The following NLRP5 variants were observed in gnomAD, a reference collection of about 807,000 sequenced individuals.
NLRP5 encodes the protein NLR family pyrin domain containing 5.
In NLRP5, 93 loss-of-function variants were observed where a neutral mutation model predicts 113.1. The ratio of observed to expected loss-of-function variants is 0.82; its 90% CI spans 0.70 to 0.98. NLRP5 has a LOEUF of 0.98. Among genes scored for constraint, NLRP5 ranks in the 50% least tolerant of loss-of-function variants. NLRP5 has a pLI of 0.00. For synonymous variants in NLRP5, 751 were observed against 600.7 expected, an observed-to-expected ratio of 1.25 and a Z score of -3.66; for missense variants, 1,808 against 1,514.3, an observed-to-expected ratio of 1.19 and a Z score of -3.22.
intron 11 of NLRP5, among the ~76,000 whole-genome samples, chr19:56,042,175 A>T (rs1488293358): frequency 6.6e-6 from 1 of 152,234 alleles, no homozygotes; most frequent in African/African-American, 2.4e-5. Context: ...AATTACCAAC[A>T]CATTATAGCA....
chr19:56,046,399 C>CATGTGTGTGTGTGTGT (rs1555770181), intron 11 of NLRP5, among the ~76,000 whole-genome samples: 3 of 148,070 alleles, frequency 2.0e-5, no homozygotes, highest in South Asian at 2.1e-4. Flanking sequence ...TTTGTAGTTT[C>CATGTGTGTGTGTGTGT]GTGTGTGTGT....
At chr19:56,048,370 T>A (rs1006154235) in intron 11 of NLRP5, among the ~76,000 whole-genome samples, 1 of 152,210 alleles carries the variant, frequency 6.6e-6, no homozygotes, top group African/African-American at 2.4e-5. Context: ...TTGATGTGTT[T>A]CCAGGATTTG....
upstream of NLRP5, among the ~76,000 whole-genome samples, chr19:55,998,447 T>G (rs1205331511): frequency 6.6e-6 from 1 of 151,262 alleles, no homozygotes; most frequent in Non-Finnish European, 1.5e-5. Flanking sequence ...AGGTCAGGAG[T>G]TCGAGACCAG....
At chr19:56,052,559 T>C (rs1256493416) in intron 12 of NLRP5, among the ~76,000 whole-genome samples, 3 of 152,170 alleles carry the variant, frequency 2.0e-5, no homozygotes, top group African/African-American at 7.2e-5. Context: ...CGTGAGCCAC[T>C]GTACCCAGCC....
chr19:56,016,249 G>T (rs1251369072), intron 4 of NLRP5, among the ~76,000 whole-genome samples: 1 of 152,124 alleles, frequency 6.6e-6, no homozygotes, highest in African/African-American at 2.4e-5. Context: ...CGCCTCCCGG[G>T]TTCAAGCGAT....
At chr19:56,049,666 C>A (rs892274515) in intron 11 of NLRP5, among the ~76,000 whole-genome samples, 1 of 152,080 alleles carries the variant, frequency 6.6e-6, no homozygotes, top group Non-Finnish European at 1.5e-5. Flanking sequence ...CAGACCATTT[C>A]ACATTTCTAA....
chr19:56,027,694 G>T lies in NLRP5; in HGVS notation c.1461G>T (p.Val487=), dbSNP rs761459635. ...TGGCCCTGCAGCTGCAGGACGTGGT[G>T]GGGGAGAGCGTCGCCCCCTTCAACC... Residue 487 remains valine, a synonymous_variant, in exon 7 of 15, where the codon GTG becomes GTT. Coordinates refer to ENST00000390649, the MANE Select transcript of NLRP5 (RefSeq NM_153447.4). 1.9e-6 allele frequency: 3 copies of T among 1,613,386 alleles called. No individual in the cohort carries two copies. The highest frequency in any genetic ancestry group is 1.7e-5 in the Admixed American group (1 of 60,012).
chr19:55,993,790 A>T, the NLRP5 span, among the ~76,000 whole-genome samples: 2 of 150,638 alleles, frequency 1.3e-5, no homozygotes, highest in African/African-American at 4.9e-5. Flanking sequence ...TCACATGAAG[A>T]GCTACAGGCT....
At position 56,050,466 on chromosome 19, in the gene NLRP5, T is replaced by C; in HGVS notation, c.3006T>C (p.Leu1002=). Residue 1002 remains leucine (L), a synonymous_variant, in exon 12 of 15, where the codon CTT becomes CTC. Coordinates refer to ENST00000390649, the MANE Select transcript of NLRP5 (RefSeq NM_153447.4). ...CGGCTGGCTGTGGTTTTCTTGCACT[T>C]GCGCTTATGGGTAACTCATGGCTGA... 6.2e-7 allele frequency: 1 copy of C among 1,613,862 alleles called. No individual in the cohort carries two copies. Among genetic ancestry groups the C allele is most frequent in the Non-Finnish European group, 8.5e-7 (1 of 1,179,848 alleles).
chr19:56,048,656 C>G (rs895093789), intron 11 of NLRP5, among the ~76,000 whole-genome samples: 1 of 152,038 alleles, frequency 6.6e-6, no homozygotes, highest in African/African-American at 2.4e-5. Flanking sequence ...AGATTCTTTC[C>G]TTCATCTTAA....
chr19:55,991,067 C>G, the NLRP5 span, among the ~76,000 whole-genome samples: 1 of 152,072 alleles, frequency 6.6e-6, no homozygotes, highest in African/African-American at 2.4e-5. Flanking sequence ...TTTGTCATGT[C>G]TCAAATTTAT....
At chr19:55,986,857 C>T in the NLRP5 span, among the ~76,000 whole-genome samples, 6 of 152,262 alleles carry the variant, frequency 3.9e-5, no homozygotes, top group South Asian at 8.3e-4. Context: ...CTGCCCTTCC[C>T]GCTTTTGTTC....
At chr19:56,011,039 C>CT (rs1191168135) in intron 3 of NLRP5, among the ~76,000 whole-genome samples, 1 of 151,824 alleles carries the variant, frequency 6.6e-6, no homozygotes, top group African/African-American at 2.4e-5. Context: ...ATAGTCCCAG[C>CT]TACTTGGGAA....
chr19:56,008,712 G>T, intron 2 of NLRP5, 76 bp from the exon 3 acceptor site: 1 of 1,299,272 alleles, frequency 7.7e-7, no homozygotes, highest in East Asian at 2.5e-5. Flanking sequence ...ATTTGGACAC[G>T]GGACATTCTT....
rs746187943 is a variant in NLRP5, at chr19:56,026,967, A to AG, written c.736dup (p.Glu246GlyfsTer7). On this transcript the variant is annotated frameshift_variant, in exon 7 of 15. Coordinates refer to ENST00000390649, the MANE Select transcript of NLRP5 (RefSeq NM_153447.4). LOFTEE classifies it high-confidence loss of function. ...AGTCACGTGATGACCAAATTCGCTG[A>AG]GGAGGAGGATGTACGTCGTAGTTTT... is the stretch of plus-strand genomic sequence containing the variant. The AG allele has an allele frequency of 2.6e-6, 4 of 1,551,722 alleles. No individual in the cohort carries two copies. Among genetic ancestry groups the AG allele is most frequent in the Admixed American group, 3.9e-5 (2 of 50,996 alleles).
At chr19:56,012,399 T>C (rs562847179) in intron 3 of NLRP5, among the ~76,000 whole-genome samples, 5 of 151,668 alleles carry the variant, frequency 3.3e-5, no homozygotes, top group Admixed American at 3.3e-4. Flanking sequence ...CCACCTGCCT[T>C]GGCCTCCCAA....
At position 56,027,922 on chromosome 19, in the gene NLRP5, T is replaced by C. The variant is rs1982936600; in HGVS notation, c.1689T>C (p.Ala563=). Residue 563 remains alanine, a synonymous_variant, in exon 7 of 15, where the codon GCT becomes GCC. Coordinates refer to ENST00000390649, the MANE Select transcript of NLRP5 (RefSeq NM_153447.4). Reference sequence around the variant, plus strand: ...GACTCGGGGAGTCTGAGCTCCGTGCTCTGTTTCACATGAACATCCTTCTCC... The same window carrying C: ...GACTCGGGGAGTCTGAGCTCCGTGCCCTGTTTCACATGAACATCCTTCTCC... The C allele has an allele frequency of 6.2e-7, 1 of 1,613,878 alleles. No homozygotes were observed. The highest frequency in any genetic ancestry group is 8.5e-7 in the Non-Finnish European group (1 of 1,179,844).
At chr19:56,010,205 C>T (rs1254493963) in intron 3 of NLRP5, among the ~76,000 whole-genome samples, 8 of 152,142 alleles carry the variant, frequency 5.3e-5, no homozygotes, top group Non-Finnish European at 1.0e-4. Flanking sequence ...TTAGTCCATG[C>T]TTCTCAATCC....
the NLRP5 span, among the ~76,000 whole-genome samples, chr19:55,993,423 C>T: frequency 4.1e-4 from 8 of 19,714 alleles, no homozygotes; most frequent in African/African-American, 6.5e-4. Flanking sequence ...CTCTCCCCCT[C>T]CTCTCCCCCT....
Sources: gnomAD v4.1 joint callset for allele counts (sites outside exome capture counted in the v4.1 genomes callset) on GRCh38, gnomAD v4.1.1 for gene constraint, MANE v1.5 for transcripts, NCBI Gene and HGNC (gene_info 2026-07-23, HGNC 2026-07-21) for gene names.